CAB39: variants seen among roughly 807,000 people sequenced by gnomAD.
CAB39 encodes calcium binding protein 39, also known as calcium-binding protein 39.
CAB39 carries 8 observed loss-of-function variants against 40.0 expected under a neutral mutation model. The observed-to-expected ratio is 0.20, with a 90% CI of 0.12 to 0.36. The LOEUF (loss-of-function observed/expected upper bound fraction) is 0.36. Among genes scored for constraint, CAB39 ranks in the 10% least tolerant of loss-of-function variants. The probability of loss-of-function intolerance (pLI) is 1.00; values close to 1 mark genes in which losing one functional copy is unlikely to be tolerated. For synonymous variants in CAB39, 156 were observed against 141.6 expected (o/e 1.10, Z -0.72); for missense variants, 270 against 401.1 (o/e 0.67, Z 2.79).
At chr2:230,792,240 G>T (rs1031402803) in intron 3 of CAB39, among the ~76,000 whole-genome samples, 1 of 152,146 alleles carries the variant, frequency 6.6e-6, no homozygotes, top group Non-Finnish European at 1.5e-5. Context: ...CAAAGTTGGG[G>T]ATGTAGTGGA....
At chr2:230,761,327 A>G (rs76793429) in intron 2 of CAB39, among the ~76,000 whole-genome samples, 2 of 152,186 alleles carry the variant, frequency 1.3e-5, no homozygotes, top group East Asian at 3.8e-4. Context: ...CTGAATTTAT[A>G]TGCTACCGAT....
intron 2 of CAB39, among the ~76,000 whole-genome samples, chr2:230,781,644 A>G (rs1695688441): frequency 6.6e-6 from 1 of 152,144 alleles, no homozygotes; most frequent in Non-Finnish European, 1.5e-5. Context: ...AAAAGGATAC[A>G]GTGTTTGGAG....
chr2:230,809,139 T>C (rs1168671701), intron 5 of CAB39, among the ~76,000 whole-genome samples: 1 of 152,124 alleles, frequency 6.6e-6, no homozygotes, highest in Non-Finnish European at 1.5e-5. Flanking sequence ...CAGAGGCCCT[T>C]TCGGGAAGGG....
At chr2:230,808,535 C>T (rs562418306) in intron 5 of CAB39, among the ~76,000 whole-genome samples, 5 of 152,314 alleles carry the variant, frequency 3.3e-5, no homozygotes, top group South Asian at 2.1e-4. Flanking sequence ...GACCACGGTA[C>T]GAAGATAATG....
intron 1 of CAB39, among the ~76,000 whole-genome samples, chr2:230,742,323 C>T (rs898742117): frequency 1.3e-4 from 20 of 152,112 alleles, no homozygotes; most frequent in African/African-American, 3.9e-4. Flanking sequence ...TGCAGGCACC[C>T]GCCACCACGC....
chr2:230,793,190 G>A, intron 3 of CAB39, 23 bp from the exon 4 acceptor site: 1 of 1,344,932 alleles, frequency 7.4e-7, no homozygotes, highest in Non-Finnish European at 1.1e-6. Flanking sequence ...AGGAAAATGT[G>A]TTAATGATTG....
intron 1 of CAB39, among the ~76,000 whole-genome samples, chr2:230,746,899 G>A (rs2124899037): frequency 6.6e-6 from 1 of 152,312 alleles, no homozygotes; most frequent in South Asian, 2.1e-4. Flanking sequence ...TAAAATGACT[G>A]TTAATATACA....
intron 1 of CAB39, among the ~76,000 whole-genome samples, chr2:230,715,169 A>G (rs1694326505): frequency 6.6e-6 from 1 of 152,204 alleles, no homozygotes; most frequent in South Asian, 2.1e-4. Context: ...CTTGTCATTA[A>G]ATATCTTCAT....
chr2:230,801,885 C>T (rs1294064451), intron 5 of CAB39, among the ~76,000 whole-genome samples: 1 of 151,562 alleles, frequency 6.6e-6, no homozygotes, highest in Non-Finnish European at 1.5e-5. Context: ...AAAAAATGCT[C>T]TAAATATGTC....
At chr2:230,751,530 C>T (rs1444884887) in intron 1 of CAB39, among the ~76,000 whole-genome samples, 4 of 152,110 alleles carry the variant, frequency 2.6e-5, no homozygotes, top group Non-Finnish European at 5.9e-5. Flanking sequence ...TGTCACATAA[C>T]GCAAAAGCAG....
At chr2:230,782,440 C>G (rs1229031039) in intron 2 of CAB39, among the ~76,000 whole-genome samples, 1 of 151,898 alleles carries the variant, frequency 6.6e-6, no homozygotes, top group African/African-American at 2.4e-5. Flanking sequence ...ACATAATGAT[C>G]ATTTTGATCT....
intron 2 of CAB39, among the ~76,000 whole-genome samples, chr2:230,769,930 C>T (rs567152897): frequency 1.7e-3 from 265 of 151,988 alleles, no homozygotes; most frequent in Non-Finnish European, 3.0e-3. Context: ...TGACTCCAGC[C>T]TGGCTGACAG....
rs16827531 is a variant in CAB39, at chr2:230,741,659, C to T, written c.-43-18300C>T. Among the ~76,000 whole-genome samples, 300 of 152,208 alleles carry T rather than the reference C, an allele frequency of 2.0e-3. 10 individuals are homozygous for T. In the East Asian group the frequency reaches 0.055, roughly 28 times the overall value. On this transcript the variant is annotated intron_variant, in intron 1 of 8. Transcript: ENST00000258418. ...TCTAGGAATGGGAATTTGATCACAT[C>T]GTAAGTTGGAATCCAATTCTAAAGG...
intron 2 of CAB39, among the ~76,000 whole-genome samples, chr2:230,764,005 C>T (rs929318439): frequency 2.0e-5 from 3 of 151,904 alleles, no homozygotes; most frequent in African/African-American, 4.8e-5. Flanking sequence ...ACCTATAGTC[C>T]CAGCTACTCA....
chr2:230,817,272 G>C (rs1036770642), intron 7 of CAB39, among the ~76,000 whole-genome samples: 2 of 152,176 alleles, frequency 1.3e-5, no homozygotes, highest in African/African-American at 2.4e-5. Flanking sequence ...TGTGGCATGT[G>C]CAGGGTACAC....
intron 2 of CAB39, among the ~76,000 whole-genome samples, chr2:230,784,901 T>C (rs557828516): frequency 3.9e-5 from 6 of 152,324 alleles, no homozygotes; most frequent in East Asian, 3.9e-4. Context: ...CCAGTTTCCA[T>C]TGGCTGGGAT....
At chr2:230,715,518 A>AC (rs1694332719) in intron 1 of CAB39, among the ~76,000 whole-genome samples, 1 of 152,156 alleles carries the variant, frequency 6.6e-6, no homozygotes, top group Non-Finnish European at 1.5e-5. Flanking sequence ...TCCCCCACAG[A>AC]CGGCGATGCA....
chr2:230,785,556 G>T (rs1356933152), intron 2 of CAB39, among the ~76,000 whole-genome samples: 1 of 152,020 alleles, frequency 6.6e-6, no homozygotes, highest in Non-Finnish European at 1.5e-5. Flanking sequence ...ACGCATGGGG[G>T]TGGGGAGATC....
chr2:230,776,613 G>A (rs375623368), intron 2 of CAB39, among the ~76,000 whole-genome samples: 1 of 152,190 alleles, frequency 6.6e-6, no homozygotes. Flanking sequence ...CACACAAGTG[G>A]TTGTGAGTGT....
Sources: allele counts gnomAD v4.1 joint callset (sites outside exome capture counted in the v4.1 genomes callset), GRCh38; gene constraint gnomAD v4.1.1; transcripts MANE v1.5; gene names NCBI Gene and HGNC (gene_info 2026-07-23, HGNC 2026-07-21).